NEO1: variants seen among roughly 807,000 people sequenced by gnomAD.
NEO1 encodes the protein neogenin.
In NEO1, 63 loss-of-function variants were observed where a neutral mutation model predicts 159.7. The ratio of observed to expected loss-of-function variants is 0.39; its 90% CI spans 0.32 to 0.49. The LOEUF is 0.49. NEO1 is among the 20% of genes least tolerant of loss of function. NEO1 has a pLI of 0.85. For synonymous variants in NEO1, 633 were observed against 662.0 expected, an observed-to-expected ratio of 0.96 and a Z score of 0.67; for missense variants, 1,615 against 1,831.0, an observed-to-expected ratio of 0.88 and a Z score of 2.15.
intron 23 of NEO1, among the ~76,000 whole-genome samples, chr15:73,283,446 A>C (rs1261119640): frequency 1.3e-5 from 2 of 152,244 alleles, no homozygotes; most frequent in Non-Finnish European, 2.9e-5. Context: ...CTGTTTTCAG[A>C]AATCTGAAGC....
At chr15:73,171,978 A>G (rs750880597) in intron 5 of NEO1, among the ~76,000 whole-genome samples, 1 of 152,104 alleles carries the variant, frequency 6.6e-6, no homozygotes, top group African/African-American at 2.4e-5. Context: ...TGATGGTATC[A>G]TGGTTATGTT....
intron 5 of NEO1, chr15:73,162,174 C>G (rs1221541919): frequency 4.5e-6 from 1 of 222,032 alleles, no homozygotes; most frequent in Non-Finnish European, 9.3e-6. Context: ...CCAAATGTAC[C>G]TAAGAGTTTC....
At chr15:73,236,766 C>T (rs953088649) in intron 8 of NEO1, among the ~76,000 whole-genome samples, 2 of 152,090 alleles carry the variant, frequency 1.3e-5, no homozygotes, top group Non-Finnish European at 2.9e-5. Context: ...GAAGGAGTGC[C>T]CTTTTTTCAT....
chr15:73,094,676 A>G (rs2069900354), intron 1 of NEO1, among the ~76,000 whole-genome samples: 1 of 152,200 alleles, frequency 6.6e-6, no homozygotes, highest in Non-Finnish European at 1.5e-5. Context: ...TCATTTGTCC[A>G]GAAGAATTTC....
chr15:73,272,694 G>T lies in NEO1; in HGVS notation c.2965+132G>T, dbSNP rs1345630946. ...TTGGTCATTTTATGGTAAGGTGTGA[G>T]TCATGATGGTCCTTGAAATTGGGGT... On this transcript the variant is annotated intron_variant, in intron 19 of 28. Transcript: ENST00000261908. 1.2e-5 allele frequency: 8 copies of T among 660,534 alleles called. No individual in the cohort carries two copies. The East Asian group carries it at 2.2e-4, about 18-fold the overall frequency. 40.9% of individuals were successfully genotyped at this position (660,534 alleles called of 1,614,324 possible). A position where few individuals can be genotyped will look rare whatever the true frequency, so the allele number is the denominator to read the frequency against.
At chr15:73,070,476 G>A (rs1197637737) in intron 1 of NEO1, among the ~76,000 whole-genome samples, 2 of 152,170 alleles carry the variant, frequency 1.3e-5, no homozygotes, top group Non-Finnish European at 2.9e-5. Context: ...CATTTGTTAT[G>A]TATCATAAAT....
intron 7 of NEO1, among the ~76,000 whole-genome samples, chr15:73,217,516 TG>T (rs2037966579): frequency 6.6e-6 from 1 of 152,200 alleles, no homozygotes; most frequent in Non-Finnish European, 1.5e-5. Context: ...TAAATTGCCT[TG>T]GGCAGTATGG....
At chr15:73,168,153 C>T (rs1296048602) in intron 5 of NEO1, among the ~76,000 whole-genome samples, 2 of 151,852 alleles carry the variant, frequency 1.3e-5, no homozygotes, top group African/African-American at 4.8e-5. Flanking sequence ...GAGTGAGGGA[C>T]TGTGTGTCAG....
chr15:73,144,461 C>T (rs547958249), intron 5 of NEO1, among the ~76,000 whole-genome samples: 4 of 152,178 alleles, frequency 2.6e-5, no homozygotes, highest in African/African-American at 4.8e-5. Context: ...CCATGAGATG[C>T]TCCACTACTT....
chr15:73,193,923 A>G (rs775626455), intron 7 of NEO1, among the ~76,000 whole-genome samples: 7 of 152,064 alleles, frequency 4.6e-5, no homozygotes, highest in Non-Finnish European at 8.8e-5. Context: ...GGGATTATAG[A>G]TTAGTCAGGT....
intron 22 of NEO1, among the ~76,000 whole-genome samples, chr15:73,281,096 T>C (rs2041674901): frequency 6.7e-6 from 1 of 149,394 alleles, no homozygotes; most frequent in Non-Finnish European, 1.5e-5. Flanking sequence ...TAGTCCCAGC[T>C]ACTCGGGAGG....
At chr15:73,296,308 C>A (rs945319871) in intron 26 of NEO1, among the ~76,000 whole-genome samples, 2 of 152,124 alleles carry the variant, frequency 1.3e-5, no homozygotes, top group Non-Finnish European at 2.9e-5. Context: ...CAGCTCCTAC[C>A]CTGCCCAGCT....
chr15:73,174,609 A>C lies in NEO1; in HGVS notation c.1016-1794A>C, dbSNP rs146887478. Reference sequence around the variant, plus strand: ...ATCCTCCAAACTGAAAATTAAGCCCATCACTCTGCTTTGCTGTGCAACAAA... The same window carrying C: ...ATCCTCCAAACTGAAAATTAAGCCCCTCACTCTGCTTTGCTGTGCAACAAA... On this transcript the variant is annotated intron_variant, in intron 5 of 28. Coordinates refer to ENST00000261908, the MANE Select transcript of NEO1 (RefSeq NM_002499.4). Among the ~76,000 whole-genome samples, 407 of 152,282 alleles carry C rather than the reference A, an allele frequency of 2.7e-3. 2 individuals carry two copies. The highest frequency in any genetic ancestry group is 9.4e-3 in the African/African-American group (391 of 41,558).
chr15:73,213,631 C>T (rs927550992), intron 7 of NEO1, among the ~76,000 whole-genome samples: 2 of 152,108 alleles, frequency 1.3e-5, no homozygotes, highest in Admixed American at 6.6e-5. Context: ...AGTATTCCAT[C>T]GTATAAATAT....
chr15:73,243,536 G>A (rs1164850716), intron 8 of NEO1, among the ~76,000 whole-genome samples: 1 of 152,154 alleles, frequency 6.6e-6, no homozygotes, highest in East Asian at 1.9e-4. Context: ...TCTTGATTAT[G>A]CAGTCTGGTT....
chr15:73,268,411 A>G (rs184616889), intron 16 of NEO1, among the ~76,000 whole-genome samples: 233 of 152,334 alleles, frequency 1.5e-3, no homozygotes, highest in African/African-American at 5.3e-3. Flanking sequence ...ACATATAAGA[A>G]AAAAAATTTC....
intron 25 of NEO1, among the ~76,000 whole-genome samples, chr15:73,292,451 G>A (rs561283338): frequency 3.3e-5 from 5 of 152,250 alleles, no homozygotes; most frequent in South Asian, 4.2e-4. Context: ...GATCTTAAAC[G>A]TGCCATTTCT....
At chr15:73,269,908 T>G in intron 16 of NEO1, 102 bp from the exon 17 acceptor site, 1 of 897,012 alleles carries the variant, frequency 1.1e-6, no homozygotes, top group Non-Finnish European at 1.8e-6. Flanking sequence ...TTTTTCTCCA[T>G]TTCTCACCTT....
intron 1 of NEO1, among the ~76,000 whole-genome samples, chr15:73,099,635 G>A (rs2070287255): frequency 6.6e-6 from 1 of 152,200 alleles, no homozygotes; most frequent in Non-Finnish European, 1.5e-5. Context: ...GCTGACAGCA[G>A]AAGCTTTCAA....
Sources: gnomAD v4.1 joint callset for allele counts (sites outside exome capture counted in the v4.1 genomes callset) on GRCh38, gnomAD v4.1.1 for gene constraint, MANE v1.5 for transcripts, NCBI Gene and HGNC (gene_info 2026-07-23, HGNC 2026-07-21) for gene names.